Variants in PMS2 observed in about 807,000 individuals in gnomAD.
PMS2 encodes PMS1 homolog 2, mismatch repair system component, also known as mismatch repair endonuclease PMS2.
Under a neutral mutation model 90.0 loss-of-function variants are expected in PMS2, and 69 were observed. The ratio of observed to expected loss-of-function variants is 0.77; its 90% CI spans 0.63 to 0.94. The LOEUF (loss-of-function observed/expected upper bound fraction) is 0.94, where lower values mean the gene tolerates loss of function less well. Ranked by LOEUF, PMS2 falls within the 40% of genes least tolerant of loss-of-function variation. The probability of loss-of-function intolerance (pLI) is 0.00; values close to 1 mark genes in which losing one functional copy is unlikely to be tolerated. For missense variants in PMS2, 966 were observed against 1,040.2 expected (o/e 0.93, Z 0.98); for synonymous variants, 332 against 375.1 (o/e 0.89, Z 1.33).
At chr7:5,993,738 G>GT (rs1370614302) in intron 8 of PMS2, among the ~76,000 whole-genome samples, 1 of 150,554 alleles carries the variant, frequency 6.6e-6, no homozygotes, top group Non-Finnish European at 1.5e-5. Flanking sequence ...ATGCGTGCCT[G>GT]TAGTCCTAGC....
rs786203076 is a variant in PMS2 at position 5,987,295 on chromosome 7, C to T, written c.1470G>A (p.Val490=). The change falls in exon 11 of 15, where the codon GTG becomes GTA. Residue 490 remains valine (V), a synonymous_variant. Transcript: ENST00000265849. The stretch of plus-strand genomic sequence containing the variant: ...TGCTGCCGTGCCCCGAGTCCTTCTC[C>T]ACCTCCGCTCTGTCCGTAGGGTCAC... ...GPSDPTDRAE[V]EKDSGHGSTS... The T allele has an allele frequency of 8.1e-6, 13 of 1,614,068 alleles. No individual in the cohort carries two copies. The highest frequency in any genetic ancestry group is 5.1e-6 in the Non-Finnish European group (6 of 1,180,042).
chr7:6,002,280 T>C (rs1785168954), intron 5 of PMS2, 173 bp downstream of exon 5: 1 of 606,596 alleles, frequency 1.6e-6, no homozygotes, highest in Non-Finnish European at 2.9e-6. Context: ...AAGAAAAAAG[T>C]AAATCATCCT....
In PMS2 at chr7:5,973,311, T is replaced by C; in HGVS notation, c.*88A>G. The C allele has an allele frequency of 1.4e-6, 2 of 1,401,614 alleles. 1 individual carries two copies. Among genetic ancestry groups the C allele is most frequent in the South Asian group, 2.5e-5 (2 of 81,460 alleles). 86.8% of individuals were successfully genotyped at this position (1,401,614 alleles called of 1,614,324 possible). ...GTATTTTTTTTAAGTAGCAGGTTCA[T>C]TTTAAAACAAAAAAGGTTAGTGAAG... is the stretch of plus-strand genomic sequence containing the variant. On this transcript the variant is annotated 3_prime_UTR_variant, in exon 15 of 15. Coordinates refer to ENST00000265849, the MANE Select transcript of PMS2 (RefSeq NM_000535.7).
In PMS2 at chr7:5,987,114, A is replaced by T. The variant is rs2128726025; in HGVS notation, c.1651T>A (p.Cys551Ser). 6.2e-7 allele frequency: 1 copy of T among 1,614,096 alleles called. No homozygotes were observed. The highest frequency in any genetic ancestry group is 1.1e-5 in the South Asian group (1 of 91,082). Reference sequence around the variant, plus strand: ...CCGGTATCTTCCTGGTTTGAATGGCAGTCCACATCTGAAAAAGAGTCGTCA... The same window carrying T: ...CCGGTATCTTCCTGGTTTGAATGGCTGTCCACATCTGAAAAAGAGTCGTCA... ...KTDDSFSDVDCHSNQEDTGCK... is the reference protein window; with the variant it reads ...KTDDSFSDVDSHSNQEDTGCK... The change falls in exon 11 of 15, where the codon TGC (cysteine) becomes AGC (serine). Residue 551 changes from cysteine to serine, a missense_variant. Cys to Ser is a moderately radical substitution (Grantham distance 112, BLOSUM62 -1). Transcript: ENST00000265849.
intron 1 of PMS2, among the ~76,000 whole-genome samples, chr7:6,008,661 A>G (rs1786167857): frequency 6.6e-6 from 1 of 152,196 alleles, no homozygotes; most frequent in Non-Finnish European, 1.5e-5. Flanking sequence ...AAGGAAATGC[A>G]TTCAGTCTAT....
chr7:5,988,185 G>C (rs1783282317), intron 10 of PMS2, among the ~76,000 whole-genome samples: 1 of 151,922 alleles, frequency 6.6e-6, no homozygotes, highest in African/African-American at 2.4e-5. Flanking sequence ...AATACCTCTG[G>C]TAGGAATGAA....
intron 9 of PMS2, 78 bp from the exon 10 acceptor site, chr7:5,990,033 C>CGCT: frequency 1.0e-6 from 1 of 993,786 alleles, no homozygotes; most frequent in Non-Finnish European, 1.5e-6. Context: ...TTTCAGACAG[C>CGCT]GTCTCACTCT....
In PMS2 at chr7:5,987,335, G is replaced by T. The variant is rs876661291; in HGVS notation, c.1430C>A (p.Ser477Tyr). Residue 477 changes from serine to tyrosine, a missense_variant, in exon 11 of 15, where the codon TCC becomes TAC. Around this residue, in one of 2 missense-constraint regions of PMS2, gnomAD observed 871 missense variants for 802.4 expected, o/e 1.09. Coordinates refer to ENST00000265849, the MANE Select transcript of PMS2 (RefSeq NM_000535.7). ...CGTAGGGTCACTGGGTCCGTGACTGGAACTCACTGCCTCTTTCTGAGGTCT... is the reference window on the plus strand; with the variant it reads ...CGTAGGGTCACTGGGTCCGTGACTGTAACTCACTGCCTCTTTCTGAGGTCT... ...VLRPQKEAVSSSHGPSDPTDR... is the reference protein window; with the variant it reads ...VLRPQKEAVSYSHGPSDPTDR... The T allele has an allele frequency of 3.7e-6, 6 of 1,614,106 alleles. No homozygotes were observed. The highest frequency in any genetic ancestry group is 5.1e-6 in the Non-Finnish European group (6 of 1,179,998).
Position 6,001,040 on chromosome 7 carries a change from A to G in PMS2, c.537+1413T>C, listed in dbSNP as rs1209290272. On this transcript the variant is annotated intron_variant, in intron 5 of 14. Transcript: ENST00000265849. ...AGCACCAAATGCTTTACAAGTAAAA[A>G]AAGTTTTTAGCTGCATATGTTTAAG... 2.6e-5 allele frequency among the ~76,000 whole-genome samples: 4 copies of G among 152,158 alleles called. No homozygotes were observed. The East Asian group carries it at 7.7e-4, about 29-fold the overall frequency.
In PMS2 at chr7:6,003,713, A is replaced by G. The variant is rs1785367130; in HGVS notation, c.330T>C (p.Ala110=). The change falls in exon 4 of 15, where the codon GCT becomes GCC. Residue 110 remains alanine (A), a synonymous_variant. Transcript: ENST00000265849. ...QVETFGFRGE[A]LSSLCALSDV... is the part of the protein sequence containing the mutation. ...ACCTCAGTGCACAAAGTGAGCTCAGAGCTTCCCCCCGAAAGCCAAAAGTTT... is the reference window on the plus strand; with the variant it reads ...ACCTCAGTGCACAAAGTGAGCTCAGGGCTTCCCCCCGAAAGCCAAAAGTTT... The G allele has an allele frequency of 1.3e-6, 2 of 1,592,324 alleles. No individual in the cohort carries two copies. The highest frequency in any genetic ancestry group is 1.3e-5 in the African/African-American group (1 of 74,736).
intron 11 of PMS2, among the ~76,000 whole-genome samples, chr7:5,985,260 G>A (rs1782730136): frequency 6.9e-6 from 1 of 145,190 alleles, no homozygotes; most frequent in South Asian, 2.2e-4. Flanking sequence ...AATGTACTTA[G>A]CTAATTTTTT....
intron 10 of PMS2, 111 bp from the exon 11 acceptor site, chr7:5,987,731 C>T (rs1225858573): frequency 9.9e-7 from 1 of 1,011,258 alleles, no homozygotes; most frequent in Non-Finnish European, 1.6e-6. Flanking sequence ...GCTAATTACA[C>T]AGATGAACAC....
chr7:5,991,775 G>C (rs1292010308), intron 9 of PMS2, among the ~76,000 whole-genome samples, 198 bp downstream of exon 9: 1 of 151,930 alleles, frequency 6.6e-6, no homozygotes, highest in East Asian at 1.9e-4. Flanking sequence ...GGAGGCAGAG[G>C]TTGCAGTGAG....
At chr7:5,993,663 C>A (rs949365029) in intron 8 of PMS2, among the ~76,000 whole-genome samples, 15 of 150,752 alleles carry the variant, frequency 1.0e-4, no homozygotes, top group African/African-American at 3.7e-4. Flanking sequence ...GAGTTCGAGA[C>A]CAGCCTGGCC....
At chr7:6,003,324 T>TATATATAA (rs559526418) in intron 4 of PMS2, 7,347 of 147,896 alleles carry the variant, frequency 0.05, 385 homozygotes, top group East Asian at 0.28. Flanking sequence ...TATATATATA[T>TATATATAA]AATTATTTAT....
chr7:5,991,832 C>T lies in PMS2; in HGVS notation c.988+141G>A, dbSNP rs1412421879. 3 of 625,784 alleles carry T rather than the reference C, an allele frequency of 4.8e-6. No individual in the cohort carries two copies. The African/African-American group carries it at 5.5e-5, about 11-fold the overall frequency. 38.8% of individuals were successfully genotyped at this position (625,784 alleles called of 1,614,324 possible). A position where few individuals can be genotyped will look rare whatever the true frequency, so the allele number is the denominator to read the frequency against. On this transcript the variant is annotated intron_variant, in intron 9 of 14. Transcript: ENST00000265849. ...CCAGCCTGGGTGACAGAGCAAGACC[C>T]CGTCTCAAAAAAAAACAAAAACAAA...
intron 4 of PMS2, 120 bp downstream of exon 4, chr7:6,003,570 G>A: frequency 1.5e-6 from 1 of 680,022 alleles, no homozygotes; most frequent in Non-Finnish European, 2.6e-6. Context: ...AGACAAAACA[G>A]AATTCAGAAG....
At chr7:5,978,794 C>G (rs1229204817) in intron 12 of PMS2, 98 bp from the exon 13 acceptor site, 1 of 1,276,996 alleles carries the variant, frequency 7.8e-7, no homozygotes, top group Non-Finnish European at 1.1e-6. Context: ...ATTTTGAATT[C>G]ATGTCAAAAT....
At chr7:5,975,992 G>A (rs1269196402) in intron 14 of PMS2, among the ~76,000 whole-genome samples, 1 of 141,682 alleles carries the variant, frequency 7.1e-6, no homozygotes, top group Non-Finnish European at 1.6e-5. Flanking sequence ...TGTAATCCCA[G>A]CACTTTGGGA....
Sources: gnomAD v4.1 joint callset for allele counts (sites outside exome capture counted in the v4.1 genomes callset) on GRCh38, gnomAD v4.1.1 for gene constraint, gnomAD v4.1.1 regional missense constraint, MANE v1.5 for transcripts, NCBI Gene and HGNC (gene_info 2026-07-23, HGNC 2026-07-21) for gene names.